The following MAP3K5 variants were observed in gnomAD, a reference collection of about 807,000 sequenced individuals.
MAP3K5 encodes the protein ASK-1.
In MAP3K5, 56 loss-of-function variants were observed where a neutral mutation model predicts 158.7. The observed-to-expected ratio is 0.35, with a 90% CI of 0.28 to 0.44. MAP3K5 has a LOEUF of 0.44. Ranked by LOEUF, MAP3K5 falls within the 20% of genes least tolerant of loss-of-function variation. The pLI is 1.00. For synonymous variants in MAP3K5, 579 were observed against 601.7 expected (o/e 0.96, Z 0.55); for missense variants, 1,294 against 1,674.8 (o/e 0.77, Z 3.97).
At chr6:136,783,364 T>G (rs574024860) in intron 1 of MAP3K5, among the ~76,000 whole-genome samples, 4 of 152,050 alleles carry the variant, frequency 2.6e-5, no homozygotes, top group Non-Finnish European at 5.9e-5. Flanking sequence ...TGATTTCCTT[T>G]ATTTCCCTTT....
At chr6:136,758,910 C>T (rs564655901) in intron 1 of MAP3K5, among the ~76,000 whole-genome samples, 5 of 152,344 alleles carry the variant, frequency 3.3e-5, no homozygotes, top group South Asian at 2.1e-4. Flanking sequence ...TGGCGGCTCA[C>T]GCCTGTAATC....
intron 10 of MAP3K5, among the ~76,000 whole-genome samples, chr6:136,651,922 AT>A (rs1343464452): frequency 6.6e-6 from 1 of 152,170 alleles, no homozygotes; most frequent in Non-Finnish European, 1.5e-5. Flanking sequence ...GCTTAAAGGC[AT>A]CTTCCTGGCC....
At chr6:136,723,311 A>G (rs1207598594) in intron 1 of MAP3K5, among the ~76,000 whole-genome samples, 2 of 152,008 alleles carry the variant, frequency 1.3e-5, no homozygotes, top group Non-Finnish European at 2.9e-5. Flanking sequence ...AATCCAAACT[A>G]TATCAAGTAA....
In MAP3K5 at chr6:136,583,727, G is replaced by A. The variant is rs199742266; in HGVS notation, c.3239C>T (p.Pro1080Leu). 1.7e-5 allele frequency: 27 copies of A among 1,613,730 alleles called. No individual in the cohort carries two copies. The Admixed American group carries it at 1.8e-4, about 11-fold the overall frequency. ...TGTGATGTGTTCCCATTTTAGTTTC[G>A]GTTCTTCAGCCCCCTGTGAATAAAA... ...MESLAQGAEE[P>L]KLKWEHITTL... is the part of the protein sequence containing the mutation. The change falls in exon 24 of 30, where the codon CCG becomes CTG. Residue 1080 changes from proline (P) to leucine (L), a missense_variant. Pro to Leu is a moderately conservative substitution (Grantham distance 98). Coordinates refer to ENST00000359015, the MANE Select transcript of MAP3K5 (RefSeq NM_005923.4).
intron 1 of MAP3K5, among the ~76,000 whole-genome samples, chr6:136,761,633 C>T (rs913495643): frequency 9.2e-5 from 14 of 152,100 alleles, no homozygotes; most frequent in African/African-American, 3.4e-4. Context: ...GAGAAAAGAC[C>T]GGCAACCCTG....
At chr6:136,733,729 T>TCCCCCATGGTCAACATCCC (rs1782327581) in intron 1 of MAP3K5, among the ~76,000 whole-genome samples, 1 of 149,044 alleles carries the variant, frequency 6.7e-6, no homozygotes, top group African/African-American at 2.6e-5. Flanking sequence ...ACACACAGCC[T>TCCCCCATGGTCAACATCCC]CCCCCATTGT....
chr6:136,602,595 T>G (rs968212885), intron 19 of MAP3K5, among the ~76,000 whole-genome samples: 1 of 152,154 alleles, frequency 6.6e-6, no homozygotes, highest in Non-Finnish European at 1.5e-5. Flanking sequence ...CGAGCCACCA[T>G]GCTCAGCCAC....
chr6:136,660,330 T>C (rs1778951112), intron 8 of MAP3K5, among the ~76,000 whole-genome samples: 2 of 152,000 alleles, frequency 1.3e-5, no homozygotes, highest in African/African-American at 4.8e-5. Context: ...GGTGGGAGGA[T>C]TGCTTGAACT....
At chr6:136,703,404 C>T (rs116687246) in intron 3 of MAP3K5, among the ~76,000 whole-genome samples, 1,814 of 152,230 alleles carry the variant, frequency 0.012, 32 homozygotes, top group African/African-American at 0.039. Context: ...CATCACCTTA[C>T]GTTCATTTTC....
At chr6:136,737,847 G>A (rs967186399) in intron 1 of MAP3K5, among the ~76,000 whole-genome samples, 4 of 152,204 alleles carry the variant, frequency 2.6e-5, no homozygotes, top group Non-Finnish European at 4.4e-5. Context: ...GGGAGCAGAG[G>A]ACAAGGAGTG....
intron 7 of MAP3K5, among the ~76,000 whole-genome samples, chr6:136,671,618 T>A (rs1779486211): frequency 1.3e-5 from 2 of 152,160 alleles, no homozygotes; most frequent in Non-Finnish European, 1.5e-5. Flanking sequence ...AATTTTTGTT[T>A]GTTTGTTTCT....
At chr6:136,701,617 G>A (rs1170841140) in intron 3 of MAP3K5, among the ~76,000 whole-genome samples, 4 of 152,156 alleles carry the variant, frequency 2.6e-5, no homozygotes, top group African/African-American at 9.7e-5. Flanking sequence ...AGCTACTGCC[G>A]AAGCAGAAAA....
At chr6:136,669,034 G>A (rs1779353366) in intron 8 of MAP3K5, among the ~76,000 whole-genome samples, 1 of 152,170 alleles carries the variant, frequency 6.6e-6, no homozygotes, top group Non-Finnish European at 1.5e-5. Context: ...ATTAGTTTGA[G>A]CTGGAATATT....
intron 2 of MAP3K5, among the ~76,000 whole-genome samples, chr6:136,711,508 A>T (rs1353381610): frequency 6.6e-6 from 1 of 152,054 alleles, no homozygotes; most frequent in Non-Finnish European, 1.5e-5. Context: ...CTACAAAAAA[A>T]TACAAAAATT....
intron 1 of MAP3K5, among the ~76,000 whole-genome samples, chr6:136,772,111 T>C (rs1275826186): frequency 1.0e-5 from 1 of 99,554 alleles, no homozygotes; most frequent in African/African-American, 4.1e-5. Context: ...GGGGGGGGGG[T>C]TTACCATGTT....
chr6:136,722,674 CTT>C (rs372343492), intron 1 of MAP3K5, among the ~76,000 whole-genome samples: 18 of 115,548 alleles, frequency 1.6e-4, no homozygotes, highest in South Asian at 2.8e-4. Flanking sequence ...TTTTTTTTTC[CTT>C]TTTTTTTTTT....
In MAP3K5 at chr6:136,791,785, C is replaced by T; in HGVS notation, c.373G>A (p.Ala125Thr). The change falls in exon 1 of 30, where the codon GCC (alanine) becomes ACC (threonine). Residue 125 changes from alanine to threonine, a missense_variant. Ala to Thr is a moderately conservative substitution (Grantham distance 58). Around this residue, in one of 5 missense-constraint regions of MAP3K5, gnomAD observed 690 missense variants for 870.5 expected, o/e 0.79. Coordinates refer to ENST00000359015, the MANE Select transcript of MAP3K5 (RefSeq NM_005923.4). ...CCAAAATGCAGGGTTTCCAGGGTGG[C>T]GCCCACTGTCTCGCACGCCTCCCGC... ...SLREACETVG[A>T]TLETLHFGKL... 1.2e-6 allele frequency: 2 copies of T among 1,613,644 alleles called. No individual in the cohort carries two copies. Among genetic ancestry groups the T allele is most frequent in the East Asian group, 2.2e-5 (1 of 44,874 alleles).
intron 1 of MAP3K5, among the ~76,000 whole-genome samples, chr6:136,738,782 C>T (rs761809959): frequency 1.9e-4 from 29 of 152,142 alleles, no homozygotes; most frequent in African/African-American, 4.8e-4. Flanking sequence ...TTGGAACAGA[C>T]GGCTGATGGC....
intron 1 of MAP3K5, among the ~76,000 whole-genome samples, chr6:136,778,618 G>A (rs1784487942): frequency 6.6e-6 from 1 of 152,182 alleles, no homozygotes; most frequent in African/African-American, 2.4e-5. Flanking sequence ...TGTGATGCCT[G>A]TAATCATGAT....
Sources: allele counts gnomAD v4.1 joint callset (sites outside exome capture counted in the v4.1 genomes callset), GRCh38; gene constraint gnomAD v4.1.1; regional missense constraint gnomAD v4.1.1; transcripts MANE v1.5; gene names NCBI Gene and HGNC (gene_info 2026-07-23, HGNC 2026-07-21).